The following ASAP1 variants were observed in gnomAD, a reference collection of about 807,000 sequenced individuals.
ASAP1 encodes the protein arf-GAP with SH3 domain, ANK repeat and PH domain-containing protein 1.
A neutral mutation model predicts 145.2 loss-of-function variants in ASAP1; 43 were observed. That is an observed-to-expected ratio of 0.30 (90% confidence interval 0.23 to 0.38). The LOEUF (loss-of-function observed/expected upper bound fraction) is 0.38, where lower values mean the gene tolerates loss of function less well. Among genes scored for constraint, ASAP1 ranks in the 10% least tolerant of loss-of-function variants. The probability of loss-of-function intolerance (pLI) is 1.00; values close to 1 mark genes in which losing one functional copy is unlikely to be tolerated. For synonymous variants in ASAP1, 546 were observed against 515.5 expected (o/e 1.06, Z -0.80); for missense variants, 1,018 against 1,355.3 (o/e 0.75, Z 3.91).
chr8:130,394,109 C>A (rs994386656), intron 2 of ASAP1, among the ~76,000 whole-genome samples: 34 of 152,048 alleles, frequency 2.2e-4, no homozygotes, highest in African/African-American at 7.7e-4. Flanking sequence ...AATCTGGGCA[C>A]CTTGAAAAAA....
intron 5 of ASAP1, among the ~76,000 whole-genome samples, chr8:130,191,077 G>A (rs1476720303): frequency 1.3e-5 from 2 of 151,224 alleles, no homozygotes; most frequent in Non-Finnish European, 2.9e-5. Context: ...ACTGCTCTGC[G>A]GCAGTGGCCT....
In ASAP1 at chr8:130,133,649, C is replaced by T. The variant is rs532502287; in HGVS notation, c.1217+647G>A. ...CCGCAGTCCGGCCTGGGCGACAGAG[C>T]GAGACTCCGTCTCAAAAACAAACAA... On this transcript the variant is annotated intron_variant, in intron 15 of 29. Transcript: ENST00000518721. 1.5e-3 allele frequency among the ~76,000 whole-genome samples: 219 copies of T among 149,898 alleles called. 1 individual carries two copies. Among genetic ancestry groups the T allele is most frequent in the African/African-American group, 5.0e-3 (203 of 40,552 alleles).
chr8:130,242,276 A>AC (rs1007550410), intron 3 of ASAP1, among the ~76,000 whole-genome samples: 33 of 150,644 alleles, frequency 2.2e-4, no homozygotes, highest in Non-Finnish European at 3.7e-4. Context: ...AAAAAAAAAA[A>AC]AAAAAAACAA....
At chr8:130,281,201 C>T (rs1263013318) in intron 3 of ASAP1, among the ~76,000 whole-genome samples, 1 of 152,060 alleles carries the variant, frequency 6.6e-6, no homozygotes, top group Non-Finnish European at 1.5e-5. Context: ...GATATGTACC[C>T]CCTCACAAAG....
intron 3 of ASAP1, among the ~76,000 whole-genome samples, chr8:130,325,482 C>T (rs1824267514): frequency 6.6e-6 from 1 of 152,182 alleles, no homozygotes; most frequent in Non-Finnish European, 1.5e-5. Flanking sequence ...ACTCTATAAG[C>T]AAAGTAAGAG....
intron 3 of ASAP1, among the ~76,000 whole-genome samples, chr8:130,337,294 TA>T (rs1470775983): frequency 6.6e-6 from 1 of 152,244 alleles, no homozygotes; most frequent in Non-Finnish European, 1.5e-5. Flanking sequence ...ATGCTTCAAA[TA>T]AGATCATAGG....
chr8:130,330,782 A>AT (rs1824637153), intron 3 of ASAP1, among the ~76,000 whole-genome samples: 1 of 152,134 alleles, frequency 6.6e-6, no homozygotes, highest in Non-Finnish European at 1.5e-5. Flanking sequence ...CCTTCTGGAA[A>AT]TTTTGCCTGT....
intron 24 of ASAP1, among the ~76,000 whole-genome samples, chr8:130,096,084 T>C (rs979558041): frequency 2.6e-5 from 4 of 152,214 alleles, no homozygotes; most frequent in African/African-American, 9.6e-5. Flanking sequence ...ATCTATTGTC[T>C]TGTAGTAGAA....
At chr8:130,319,570 A>G (rs569215297) in intron 3 of ASAP1, among the ~76,000 whole-genome samples, 10 of 152,306 alleles carry the variant, frequency 6.6e-5, no homozygotes, top group African/African-American at 2.2e-4. Flanking sequence ...ATCCGTGAAG[A>G]TGGGACACAC....
At chr8:130,347,910 A>C (rs577658484) in intron 3 of ASAP1, among the ~76,000 whole-genome samples, 1 of 152,312 alleles carries the variant, frequency 6.6e-6, no homozygotes, top group African/African-American at 2.4e-5. Flanking sequence ...ATTTTGCTTT[A>C]ACCAATGTAT....
intron 9 of ASAP1, among the ~76,000 whole-genome samples, chr8:130,173,618 A>T (rs1179767249): frequency 6.6e-6 from 1 of 151,746 alleles, no homozygotes; most frequent in Admixed American, 6.6e-5. Flanking sequence ...AAATACAAAC[A>T]TTAGCCGGGC....
At chr8:130,287,320 G>A (rs1821677440) in intron 3 of ASAP1, among the ~76,000 whole-genome samples, 4 of 152,146 alleles carry the variant, frequency 2.6e-5, no homozygotes, top group Admixed American at 2.6e-4. Flanking sequence ...GATAGGGTAG[G>A]TAAGGTTACT....
intron 13 of ASAP1, among the ~76,000 whole-genome samples, chr8:130,145,880 C>T (rs528142847): frequency 6.8e-5 from 10 of 147,334 alleles, no homozygotes; most frequent in South Asian, 2.2e-4. Context: ...CTCACTCTGT[C>T]GCCCAGGGTG....
chr8:130,122,325 T>C (rs1258984668), intron 18 of ASAP1, among the ~76,000 whole-genome samples: 14 of 152,152 alleles, frequency 9.2e-5, no homozygotes, highest in Admixed American at 7.9e-4. Context: ...CTGGCTGAAG[T>C]AGGGAAGCTG....
At chr8:130,298,948 T>C (rs1822456614) in intron 3 of ASAP1, among the ~76,000 whole-genome samples, 1 of 152,164 alleles carries the variant, frequency 6.6e-6, no homozygotes. Context: ...TTGTAGTCAA[T>C]TGCATCCTAG....
chr8:130,389,127 G>C (rs986244744), intron 2 of ASAP1, among the ~76,000 whole-genome samples: 1 of 151,842 alleles, frequency 6.6e-6, no homozygotes, highest in African/African-American at 2.4e-5. Flanking sequence ...TATTGTTGTT[G>C]CTGCTGTTGT....
intron 3 of ASAP1, among the ~76,000 whole-genome samples, chr8:130,241,869 T>C (rs1818548489): frequency 6.6e-6 from 1 of 152,148 alleles, no homozygotes; most frequent in Non-Finnish European, 1.5e-5. Flanking sequence ...TAGAATTACT[T>C]TCTAAATCTA....
chr8:130,110,780 A>C (rs1417004026), intron 24 of ASAP1, among the ~76,000 whole-genome samples: 1 of 152,240 alleles, frequency 6.6e-6, no homozygotes, highest in Non-Finnish European at 1.5e-5. Context: ...ATTTCAATAG[A>C]GAATAAGCTC....
chr8:130,377,236 G>A (rs1353801453), intron 2 of ASAP1, among the ~76,000 whole-genome samples: 1 of 152,096 alleles, frequency 6.6e-6, no homozygotes, highest in Non-Finnish European at 1.5e-5. Context: ...AGGGTAGGAA[G>A]GGGGTGAGGA....
Sources: gnomAD v4.1 joint callset for allele counts (sites outside exome capture counted in the v4.1 genomes callset) on GRCh38, gnomAD v4.1.1 for gene constraint, MANE v1.5 for transcripts, NCBI Gene and HGNC (gene_info 2026-07-23, HGNC 2026-07-21) for gene names.